The following STPG2 variants were observed in gnomAD, a reference collection of about 807,000 sequenced individuals.
The protein encoded by STPG2 is sperm tail PG-rich repeat containing 2, also known as sperm-tail PG-rich repeat-containing protein 2.
A neutral mutation model predicts 54.2 loss-of-function variants in STPG2; 56 were observed. The observed-to-expected ratio is 1.03, with a 90% CI of 0.83 to 1.29. STPG2 has a LOEUF of 1.29. STPG2 is among the 50% of genes most tolerant of loss of function. The pLI is 0.00. For synonymous variants in STPG2, 200 were observed against 181.8 expected, an observed-to-expected ratio of 1.10 and a Z score of -0.81; for missense variants, 596 against 544.9, an observed-to-expected ratio of 1.09 and a Z score of -0.93.
At position 97,878,271 on chromosome 4, in the gene STPG2, G is replaced by A. The variant is rs9991286; in HGVS notation, c.1045-37339C>T. Among the ~76,000 whole-genome samples the A allele has an allele frequency of 2.9e-3, 437 of 152,240 alleles. 3 individuals are homozygous for A. The highest frequency in any genetic ancestry group is 9.9e-3 in the African/African-American group (413 of 41,558). ...ACCATTCTGAGGTCTGGAGTACAAT[G>A]GATCTCTTTTCACAGCTCCACAAGA... is the stretch of plus-strand genomic sequence containing the variant. On this transcript the variant is annotated intron_variant, in intron 8 of 10. Coordinates refer to ENST00000295268, the MANE Select transcript of STPG2 (RefSeq NM_174952.3).
intron 10 of STPG2, among the ~76,000 whole-genome samples, chr4:97,706,564 A>G (rs1453013564): frequency 1.3e-5 from 2 of 152,156 alleles, no homozygotes; most frequent in Admixed American, 6.6e-5. Flanking sequence ...TTTATAAACC[A>G]CCCAGTCTCT....
At chr4:98,119,910 G>T (rs1430137255) in intron 3 of STPG2, among the ~76,000 whole-genome samples, 1 of 152,122 alleles carries the variant, frequency 6.6e-6, no homozygotes, top group Admixed American at 6.6e-5. Context: ...CAAAGGACAT[G>T]ACATTGTTCC....
At chr4:97,968,997 C>G (rs909266625) in intron 7 of STPG2, among the ~76,000 whole-genome samples, 3 of 152,100 alleles carry the variant, frequency 2.0e-5, no homozygotes, top group African/African-American at 7.2e-5. Flanking sequence ...GGAATGCAAC[C>G]CTTGTGGAGA....
intron 9 of STPG2, among the ~76,000 whole-genome samples, chr4:97,737,082 C>T (rs1330467085): frequency 6.6e-6 from 1 of 152,194 alleles, no homozygotes; most frequent in Non-Finnish European, 1.5e-5. Flanking sequence ...GCCACCGCTG[C>T]TGGAACCCAG....
At chr4:98,013,759 G>A (rs1487220222) in intron 5 of STPG2, among the ~76,000 whole-genome samples, 3 of 145,444 alleles carry the variant, frequency 2.1e-5, no homozygotes, top group African/African-American at 7.7e-5. Flanking sequence ...TTTGCACAGA[G>A]GTATTTATAG....
intron 8 of STPG2, among the ~76,000 whole-genome samples, chr4:97,938,509 G>A (rs35195511): frequency 0.39 from 59,302 of 151,512 alleles, 11,700 homozygotes; most frequent in Middle Eastern, 0.46. Flanking sequence ...ACCCACCCCT[G>A]CAGGAACTCT....
chr4:97,981,383 A>C, intron 5 of STPG2, 65 bp from the exon 6 acceptor site: 2 of 1,525,942 alleles, frequency 1.3e-6, no homozygotes. Context: ...TCATGAGTTA[A>C]AACCTGCCTT....
At chr4:97,850,938 A>G (rs962404806) in intron 8 of STPG2, among the ~76,000 whole-genome samples, 6 of 152,190 alleles carry the variant, frequency 3.9e-5, no homozygotes, top group Admixed American at 3.3e-4. Flanking sequence ...TTACAACTGT[A>G]AAAAATTAAC....
In STPG2 at chr4:98,101,707, A is replaced by G. The variant is rs1200709825; in HGVS notation, c.612+4246T>C. Among the ~76,000 whole-genome samples, 4 of 152,130 alleles carry G rather than the reference A, an allele frequency of 2.6e-5. No individual in the cohort carries two copies. In the East Asian group the frequency reaches 7.7e-4, roughly 29 times the overall value. On this transcript the variant is annotated intron_variant, in intron 5 of 10. Transcript: ENST00000295268. ...CACCTGATCACAAATTTAATCTCCA[A>G]TTCAGCTACCTATAGACAGAAAACA...
chr4:97,783,884 C>A (rs149665641), intron 9 of STPG2, among the ~76,000 whole-genome samples: 34 of 151,658 alleles, frequency 2.2e-4, no homozygotes, highest in African/African-American at 7.0e-4. Context: ...CACTTGGACA[C>A]AGGAAGCGGA....
chr4:97,564,981 G>A (rs1441612529), intron 10 of STPG2, among the ~76,000 whole-genome samples: 2 of 152,186 alleles, frequency 1.3e-5, no homozygotes, highest in Non-Finnish European at 2.9e-5. Flanking sequence ...ATGTTAGCCT[G>A]CCTTGCTAGA....
At chr4:97,970,536 C>T (rs994650991) in intron 7 of STPG2, among the ~76,000 whole-genome samples, 2 of 152,040 alleles carry the variant, frequency 1.3e-5, no homozygotes, top group East Asian at 1.9e-4. Flanking sequence ...CTTTGACAAA[C>T]CTGAGAAAAA....
intron 8 of STPG2, among the ~76,000 whole-genome samples, chr4:97,918,867 C>T (rs147000266): frequency 0.043 from 6,507 of 152,214 alleles, 234 homozygotes; most frequent in Admixed American, 0.13. Context: ...GTGCAGTGTA[C>T]ACTGCTCGGG....
intron 8 of STPG2, among the ~76,000 whole-genome samples, chr4:97,890,654 T>C (rs910860003): frequency 1.3e-5 from 2 of 151,880 alleles, no homozygotes; most frequent in Non-Finnish European, 2.9e-5. Flanking sequence ...TAATTTATTA[T>C]ATATTTCAAA....
intron 4 of STPG2, among the ~76,000 whole-genome samples, chr4:97,541,542 T>C (rs1264951201): frequency 6.6e-6 from 1 of 152,164 alleles, no homozygotes; most frequent in Non-Finnish European, 1.5e-5. Flanking sequence ...ATGGCCATAC[T>C]GCCCAAGGTA....
At chr4:97,699,484 T>C (rs1328643525) in intron 10 of STPG2, among the ~76,000 whole-genome samples, 2 of 152,186 alleles carry the variant, frequency 1.3e-5, no homozygotes, top group Non-Finnish European at 2.9e-5. Flanking sequence ...TTATCACCAA[T>C]TTTCTTATGC....
intron 5 of STPG2, among the ~76,000 whole-genome samples, chr4:98,079,482 T>C (rs1339105010): frequency 2.0e-5 from 3 of 152,178 alleles, no homozygotes; most frequent in Non-Finnish European, 4.4e-5. Flanking sequence ...ACCTAAACAG[T>C]TTAATTTGAA....
At chr4:98,013,580 C>CTTTTTTTTTTTTT (rs34198207) in intron 5 of STPG2, among the ~76,000 whole-genome samples, 4 of 74,602 alleles carry the variant, frequency 5.4e-5, no homozygotes, top group African/African-American at 2.1e-4. Context: ...TGGTCCTGGG[C>CTTTTTTTTTTTTT]TTTTTTTTTT....
At chr4:97,818,155 C>T (rs2149102324) in intron 9 of STPG2, among the ~76,000 whole-genome samples, 1 of 151,850 alleles carries the variant, frequency 6.6e-6, no homozygotes, top group African/African-American at 2.4e-5. Context: ...TTATGCAAAG[C>T]CACACCACAA....
Sources: gnomAD v4.1 joint callset for allele counts (sites outside exome capture counted in the v4.1 genomes callset) on GRCh38, gnomAD v4.1.1 for gene constraint, MANE v1.5 for transcripts, NCBI Gene and HGNC (gene_info 2026-07-23, HGNC 2026-07-21) for gene names.